The following ADAM33 variants were observed in gnomAD, a reference collection of about 807,000 sequenced individuals.
ADAM33 encodes ADAM metallopeptidase domain 33.
In ADAM33, 103 loss-of-function variants were observed where a neutral mutation model predicts 106.2. The observed-to-expected ratio is 0.97, with a 90% CI of 0.83 to 1.14. The LOEUF (loss-of-function observed/expected upper bound fraction) is 1.14. ADAM33 is among the 50% of genes most tolerant of loss of function. The pLI is 0.00. For missense variants in ADAM33, 1,120 were observed against 1,096.6 expected (o/e 1.02, Z -0.30); for synonymous variants, 483 against 453.0 (o/e 1.07, Z -0.84).
Position 3,679,519 on chromosome 20 carries a change from G to C in ADAM33, c.150C>G (p.Pro50=), listed in dbSNP as rs2088286234. Residue 50 remains proline, a synonymous_variant, in exon 2 of 22, where the codon CCC becomes CCG. Transcript: ENST00000356518. The stretch of plus-strand genomic sequence containing the variant: ...GCTCCTCCAGGCTGACGGTGCGCCA[G>C]GGTTGTCCATCCAGGACCCAGTGCG... The part of the protein sequence containing the change: ...VTPHWVLDGQ[P]WRTVSLEEPV... The C allele has an allele frequency of 1.2e-6, 2 of 1,610,544 alleles. No homozygotes were observed. Among genetic ancestry groups the C allele is most frequent in the African/African-American group, 2.7e-5 (2 of 74,860 alleles).
chr20:3,676,426 T>C (rs1229232331), intron 3 of ADAM33, among the ~76,000 whole-genome samples: 2 of 152,000 alleles, frequency 1.3e-5, no homozygotes, highest in Middle Eastern at 3.4e-3. Context: ...TTCTTTTTTT[T>C]TTTCTTTTTC....
chr20:3,680,453 G>C (rs6052012), intron 1 of ADAM33, among the ~76,000 whole-genome samples: 1 of 152,192 alleles, frequency 6.6e-6, no homozygotes, highest in Non-Finnish European at 1.5e-5. Flanking sequence ...GCTCCTGCTA[G>C]GCCACCCCAA....
rs914194572 is a variant in ADAM33, at chr20:3,673,736, G to T, written c.905+9C>A. 18 of 1,473,848 alleles carry T rather than the reference G, an allele frequency of 1.2e-5. No individual in the cohort carries two copies. In the African/African-American group the frequency reaches 2.2e-4, roughly 18 times the overall value. The allele number at this position is 1,473,848 out of a possible 1,614,324, so 91.3% of individuals were successfully genotyped here. Reference sequence around the variant, plus strand: ...ACCCGGGACCCGCGTCCGGGTCAGAGGCACCCACGTGAGCAGCTGCGCGGA... The same window carrying T: ...ACCCGGGACCCGCGTCCGGGTCAGATGCACCCACGTGAGCAGCTGCGCGGA... On this transcript the variant is annotated intron_variant, in intron 9 of 21. Transcript: ENST00000356518.
chr20:3,671,273 C>T lies in ADAM33; in HGVS notation c.2056G>A (p.Gly686Ser), dbSNP rs2087516042. 2 of 1,613,942 alleles carry T rather than the reference C, an allele frequency of 1.2e-6. No homozygotes were observed. The highest frequency in any genetic ancestry group is 2.2e-5 in the South Asian group (2 of 91,084). ...APPFCDKPGF[G>S]GSMDSGPVQA... ...ACAGGGCCACTGTCCATGCTGCCAC[C>T]AAAGCCTGGCTTGTCACAGAAGGGT... Residue 686 changes from glycine to serine, a missense_variant, in exon 18 of 22, where the codon GGT becomes AGT. By Grantham distance (56) the Gly-to-Ser change is moderately conservative. Coordinates refer to ENST00000356518, the MANE Select transcript of ADAM33 (RefSeq NM_025220.5).
At position 3,672,213 on chromosome 20, in the gene ADAM33, G is replaced by T; in HGVS notation, c.1518C>A (p.Pro506=). 1 of 1,613,462 alleles carries T rather than the reference G, an allele frequency of 6.2e-7. No homozygotes were observed. Among genetic ancestry groups the T allele is most frequent in the Non-Finnish European group, 8.5e-7 (1 of 1,180,028 alleles). ...AGCAGTAGCCACTGCCCCTGGCACA[G>T]GGTGAGCCGTCCAGTAGGTAAACGT... ...PPDVYLLDGS[P]CARGSGYCWD... The change falls in exon 14 of 22, where the codon CCC becomes CCA. Residue 506 remains proline, a synonymous_variant. Coordinates refer to ENST00000356518, the MANE Select transcript of ADAM33 (RefSeq NM_025220.5).
At chr20:3,676,864 G>A (rs1292833118) in intron 3 of ADAM33, among the ~76,000 whole-genome samples, 2 of 152,326 alleles carry the variant, frequency 1.3e-5, no homozygotes, top group South Asian at 4.1e-4. Context: ...TTGGGAGGGC[G>A]GAGGTGCCCC....
chr20:3,668,541 A>G lies in ADAM33; in HGVS notation c.*422T>C. On this transcript the variant is annotated 3_prime_UTR_variant, in exon 22 of 22. Coordinates refer to ENST00000356518, the MANE Select transcript of ADAM33 (RefSeq NM_025220.5). ...AGGGGAGTGTGGACTCAGTCGAACC[A>G]TAGGGCCCCAGGACCACTAGCTTCT... is the stretch of plus-strand genomic sequence containing the variant. 1 of 232,454 alleles carries G rather than the reference A, an allele frequency of 4.3e-6. No homozygotes were observed. The allele number at this position is 232,454 out of a possible 1,614,324, so 14.4% of individuals were successfully genotyped here.
In ADAM33 at chr20:3,674,561, G is replaced by C; in HGVS notation, c.543C>G (p.His181Gln). The C allele has an allele frequency of 6.2e-7, 1 of 1,613,566 alleles. No homozygotes were observed. Among genetic ancestry groups the C allele is most frequent in the South Asian group, 1.1e-5 (1 of 91,030 alleles). ...QLLTWKGTCGHRDPGNKAGMT... is the reference protein window; with the variant it reads ...QLLTWKGTCGQRDPGNKAGMT... The stretch of plus-strand genomic sequence containing the variant: ...TGCCCGCTTTGTTCCCAGGATCCCT[G>C]TGGCCACAGGTTCCTTTCCAGGTGA... Residue 181 changes from histidine (H) to glutamine (Q), a missense_variant, in exon 6 of 22, where the codon CAC becomes CAG. Physicochemically the swap from His to Gln is conservative, Grantham distance 24. Coordinates refer to ENST00000356518, the MANE Select transcript of ADAM33 (RefSeq NM_025220.5).
chr20:3,671,669 C>A lies in ADAM33; in HGVS notation c.1817G>T (p.Cys606Phe), dbSNP rs754867141. ...ACTGGGGAGTGCCAAGGCTCCCCGA[C>A]AAGTCACTTCCTGGCCATCTAGGTG... ...TVHLDGQEVT[C>F]RGALALPSAQ... The change falls in exon 16 of 22, where the codon TGT becomes TTT. Residue 606 changes from cysteine to phenylalanine, a missense_variant. By Grantham distance (205) the Cys-to-Phe change is radical. Transcript: ENST00000356518. 6.3e-7 allele frequency: 1 copy of A among 1,583,270 alleles called. No individual in the cohort carries two copies. Among genetic ancestry groups the A allele is most frequent in the Non-Finnish European group, 8.6e-7 (1 of 1,164,192 alleles).
At position 3,673,467 on chromosome 20, in the gene ADAM33, T is replaced by C; in HGVS notation, c.1020A>G (p.Ala340=). Residue 340 remains alanine (A), a synonymous_variant, in exon 11 of 22, where the codon GCA becomes GCG. Transcript: ENST00000356518. Reference sequence around the variant, plus strand: ...GGCCGATCTCATGGGCCATGGTGGCTGCGGCGCCGATGGGGAGCTCCGAGT... The same window carrying C: ...GGCCGATCTCATGGGCCATGGTGGCCGCGGCGCCGATGGGGAGCTCCGAGT... The part of the protein sequence containing the change: ...TDHSELPIGA[A]ATMAHEIGHS... 6.5e-7 allele frequency: 1 copy of C among 1,545,176 alleles called. No individual in the cohort carries two copies. Among genetic ancestry groups the C allele is most frequent in the South Asian group, 1.2e-5 (1 of 81,006 alleles).
chr20:3,674,658 T>A lies in ADAM33; in HGVS notation c.446A>T (p.Tyr149Phe). Residue 149 changes from tyrosine to phenylalanine, a missense_variant, in exon 6 of 22, where the codon TAT (tyrosine) becomes TTT (phenylalanine). By Grantham distance (22) the Tyr-to-Phe change is conservative. Transcript: ENST00000356518. ...GCCCCGGGGTGGCCAGGGACGCAGATAATAGCTGGCATTCCTGCTGAGGGT... is the reference window on the plus strand; with the variant it reads ...GCCCCGGGGTGGCCAGGGACGCAGAAAATAGCTGGCATTCCTGCTGAGGGT... Reference protein sequence around the residue: ...LITLSRNASYYLRPWPPRGSK... With the variant: ...LITLSRNASYFLRPWPPRGSK... 1 of 1,611,462 alleles carries A rather than the reference T, an allele frequency of 6.2e-7. No individual in the cohort carries two copies. The highest frequency in any genetic ancestry group is 8.5e-7 in the Non-Finnish European group (1 of 1,179,144).
rs898973491 is a variant in ADAM33 at position 3,671,888 on chromosome 20, G to A, written c.1695C>T (p.Pro565=). The change falls in exon 15 of 22, where the codon CCC becomes CCT. Residue 565 remains proline (P), a synonymous_variant. Coordinates refer to ENST00000356518, the MANE Select transcript of ADAM33 (RefSeq NM_025220.5). ...GCTCCACTCCCTACCTCCCTGCACA[G>A]GGCAGGAAGTGGCCCTCGCTGTCCT... ...CGQDSEGHFL[P]CAGRDALCGK... 6.4e-7 allele frequency: 1 copy of A among 1,553,110 alleles called. No homozygotes were observed. Among genetic ancestry groups the A allele is most frequent in the Non-Finnish European group, 8.7e-7 (1 of 1,147,716 alleles).
At position 3,668,932 on chromosome 20, in the gene ADAM33, C is replaced by T; in HGVS notation, c.*31G>A. 1 of 1,613,164 alleles carries T rather than the reference C, an allele frequency of 6.2e-7. No homozygotes were observed. The highest frequency in any genetic ancestry group is 2.2e-5 in the East Asian group (1 of 44,850). ...GGAGTGGCTGTCAGTGGCCACCTGTCTTTAAATCTGTTCATTTTAGGAGCT... is the reference window on the plus strand; with the variant it reads ...GGAGTGGCTGTCAGTGGCCACCTGTTTTTAAATCTGTTCATTTTAGGAGCT... On this transcript the variant is annotated 3_prime_UTR_variant, in exon 22 of 22. Coordinates refer to ENST00000356518, the MANE Select transcript of ADAM33 (RefSeq NM_025220.5).
In ADAM33 at chr20:3,675,913, A is replaced by G. The variant is rs1400216758; in HGVS notation, c.255-808T>C. ...ACCACCTGCCCCAGCTCTGCCCCCT[A>G]CCCCTGCCCCACACACACCCGCCAC... is the stretch of plus-strand genomic sequence containing the variant. On this transcript the variant is annotated intron_variant, in intron 3 of 21. Transcript: ENST00000356518. This position sits in a 1 kb window ranked among gnomAD's most constrained non-coding sequence, Gnocchi z 4.1. 6.9e-6 allele frequency among the ~76,000 whole-genome samples: 1 copy of G among 144,398 alleles called. No homozygotes were observed. Among genetic ancestry groups the G allele is most frequent in the African/African-American group, 2.6e-5 (1 of 38,268 alleles). The allele number at this position is 144,398 out of a possible 152,430, so 94.7% of individuals were successfully genotyped here.
chr20:3,671,201 C>A, intron 18 of ADAM33, 36 bp downstream of exon 18: 1 of 1,612,760 alleles, frequency 6.2e-7, no homozygotes, highest in African/African-American at 1.3e-5. Context: ...AGGTGCACCA[C>A]CCCAGCTCCT....
At chr20:3,678,214 C>G (rs1048673374) in intron 2 of ADAM33, among the ~76,000 whole-genome samples, 1 of 152,270 alleles carries the variant, frequency 6.6e-6, no homozygotes, top group Non-Finnish European at 1.5e-5. Flanking sequence ...CTCTTGCCCT[C>G]CTGGTACCCT....
chr20:3,673,101 C>A (rs1024357124), intron 11 of ADAM33: 2 of 1,452,706 alleles, frequency 1.4e-6, no homozygotes, highest in African/African-American at 2.8e-5. Flanking sequence ...AAGGTGGAAT[C>A]GCGACCCGAC....
At position 3,668,994 on chromosome 20, in the gene ADAM33, T is replaced by C; in HGVS notation, c.2411A>G (p.Gln804Arg). Residue 804 changes from glutamine to arginine, a missense_variant, in exon 22 of 22, where the codon CAA becomes CGA. Transcript: ENST00000356518. ...GAGGCAGGATCTTGGCATCTGGACTTGATCTGCTGAGAATGAGGAGGATAT... is the reference window on the plus strand; with the variant it reads ...GAGGCAGGATCTTGGCATCTGGACTCGATCTGCTGAGAATGAGGAGGATAT... ...PAVSPDPQAD[Q>R]VQMPRSCLW 6.3e-7 allele frequency: 1 copy of C among 1,599,148 alleles called. No homozygotes were observed. The highest frequency in any genetic ancestry group is 2.3e-5 in the East Asian group (1 of 43,762).
Position 3,673,730 on chromosome 20 carries a change from G to A in ADAM33, c.905+15C>T, listed in dbSNP as rs2087733689. 4 of 1,464,684 alleles carry A rather than the reference G, an allele frequency of 2.7e-6. No homozygotes were observed. The allele number at this position is 1,464,684 out of a possible 1,614,324, so 90.7% of individuals were successfully genotyped here. A position where few individuals can be genotyped will look rare whatever the true frequency, so the allele number is the denominator to read the frequency against. ...CGCCCCACCCGGGACCCGCGTCCGG[G>A]TCAGAGGCACCCACGTGAGCAGCTG... On this transcript the variant is annotated intron_variant, in intron 9 of 21. Coordinates refer to ENST00000356518, the MANE Select transcript of ADAM33 (RefSeq NM_025220.5).
Sources: gnomAD v4.1 joint callset for allele counts (sites outside exome capture counted in the v4.1 genomes callset) on GRCh38, gnomAD v4.1.1 for gene constraint, Gnocchi (gnomAD v3.1) non-coding constraint, MANE v1.5 for transcripts, NCBI Gene and HGNC (gene_info 2026-07-23, HGNC 2026-07-21) for gene names.